RNF213: variants seen among roughly 807,000 people sequenced by gnomAD.
RNF213 encodes the protein E3 ubiquitin-protein ligase RNF213.
RNF213 carries 341 observed loss-of-function variants against 514.4 expected under a neutral mutation model. The observed-to-expected ratio is 0.66, with a 90% CI of 0.61 to 0.73. The LOEUF is 0.73. Among genes scored for constraint, RNF213 ranks in the 30% least tolerant of loss-of-function variants. The probability of loss-of-function intolerance (pLI) is 0.00; values close to 1 mark genes in which losing one functional copy is unlikely to be tolerated. For synonymous variants in RNF213, 2,655 were observed against 2,658.2 expected, an observed-to-expected ratio of 1.00 and a Z score of 0.04; for missense variants, 5,767 against 6,615.6, an observed-to-expected ratio of 0.87 and a Z score of 4.45.
At chr17:80,270,107 TGC>T (rs939948931) in intron 2 of RNF213, among the ~76,000 whole-genome samples, 1 of 152,214 alleles carries the variant, frequency 6.6e-6, no homozygotes, top group Admixed American at 6.5e-5. Context: ...CGTGAATGTG[TGC>T]GCACACACAC....
Position 80,286,979 on chromosome 17 carries a change from T to C in RNF213, c.262-836T>C, listed in dbSNP as rs774469124. Among the ~76,000 whole-genome samples, 57 of 152,188 alleles carry C rather than the reference T, an allele frequency of 3.7e-4. 1 individual carries two copies. The highest frequency in any genetic ancestry group is 1.6e-3 in the Admixed American group (24 of 15,270). On this transcript the variant is annotated intron_variant, in intron 3 of 67. Coordinates refer to ENST00000582970, the MANE Select transcript of RNF213 (RefSeq NM_001256071.3). Reference sequence around the variant, plus strand: ...GCGGTGGGAGCTGCTACTCATTTTTTAGTCTCATCCTTCTCATTTCAAATT... The same window carrying C: ...GCGGTGGGAGCTGCTACTCATTTTTCAGTCTCATCCTTCTCATTTCAAATT...
chr17:80,337,615 GAA>G lies in RNF213; in HGVS notation c.4558_4559del (p.Lys1520AspfsTer4). Reference sequence around the variant, plus strand: ...ACTCCGCCAGGAACTTGGAATGGCTGAAGACTGTGAATGAGAGTCATGGGTCT... The same window carrying G: ...ACTCCGCCAGGAACTTGGAATGGCTGGACTGTGAATGAGAGTCATGGGTCT... ...CDSARNLEWL[K>X]TVNESHGSVE... On this transcript the variant is annotated frameshift_variant, in exon 24 of 68. Coordinates refer to ENST00000582970, the MANE Select transcript of RNF213 (RefSeq NM_001256071.3). LOFTEE classifies it high-confidence loss of function. 6.5e-7 allele frequency: 1 copy of G among 1,537,298 alleles called. No individual in the cohort carries two copies. Among genetic ancestry groups the G allele is most frequent in the South Asian group, 1.2e-5 (1 of 84,064 alleles).
intron 32 of RNF213, chr17:80,352,672 T>C: frequency 1.6e-6 from 1 of 623,150 alleles, no homozygotes; most frequent in South Asian, 1.8e-5. Flanking sequence ...CCACAGGCCT[T>C]ATCCATGCGT....
chr17:80,288,066 C>T lies in RNF213; in HGVS notation c.513C>T (p.Asp171=), dbSNP rs759019499. Residue 171 remains aspartate, a synonymous_variant, in exon 4 of 68, where the codon GAC becomes GAT. Coordinates refer to ENST00000582970, the MANE Select transcript of RNF213 (RefSeq NM_001256071.3). This position sits in a 1 kb window ranked among gnomAD's most constrained non-coding sequence, Gnocchi z 4.9. ...DGLSAPTEVG[D]SPLQAQALGE... Reference sequence around the variant, plus strand: ...TCTCCGCGCCCACCGAGGTTGGCGACAGCCCCCTGCAGGCCCAGGCTTTGG... The same window carrying T: ...TCTCCGCGCCCACCGAGGTTGGCGATAGCCCCCTGCAGGCCCAGGCTTTGG... The T allele has an allele frequency of 1.2e-6, 2 of 1,608,138 alleles. No individual in the cohort carries two copies. Among genetic ancestry groups the T allele is most frequent in the South Asian group, 1.1e-5 (1 of 90,710 alleles).
rs1236128667 is a variant in RNF213 at position 80,349,680 on chromosome 17, G to A, written c.9952-90G>A. The A allele has an allele frequency of 1.6e-5, 22 of 1,396,170 alleles. No individual in the cohort carries two copies. In the Admixed American group the frequency reaches 2.8e-4, roughly 18 times the overall value. 86.5% of individuals were successfully genotyped at this position (1,396,170 alleles called of 1,614,324 possible). ...TGGCAACTGCACCGCGCTGAACATC[G>A]CAGGTTTCTAGGATCTGTCTAAACC... On this transcript the variant is annotated intron_variant, in intron 29 of 67. Coordinates refer to ENST00000582970, the MANE Select transcript of RNF213 (RefSeq NM_001256071.3).
At position 80,337,896 on chromosome 17, in the gene RNF213, C is replaced by T. The variant is rs1242524548; in HGVS notation, c.4732C>T (p.Arg1578Ter). The T allele has an allele frequency of 3.9e-6, 6 of 1,537,240 alleles. No individual in the cohort carries two copies. Among genetic ancestry groups the T allele is most frequent in the East Asian group, 4.9e-5 (2 of 40,918 alleles). ...GAGCCCTGGCAGCCACGAGGAGTCACGAGAGTACTCTTTAGAGGAGGTGAA... is the reference window on the plus strand; with the variant it reads ...GAGCCCTGGCAGCCACGAGGAGTCATGAGAGTACTCTTTAGAGGAGGTGAA... ...PESPGSHEESREYSLEEVKEL... is the reference protein window; with the variant it reads ...PESPGSHEES The change falls in exon 25 of 68, where the codon CGA becomes TGA. Residue 1578 changes from arginine (R) to a stop codon, truncating the protein, a stop_gained. Transcript: ENST00000582970. LOFTEE classifies it high-confidence loss of function.
At chr17:80,354,842 T>C (rs1427556945) in intron 36 of RNF213, 3 of 510,150 alleles carry the variant, frequency 5.9e-6, no homozygotes, top group Non-Finnish European at 1.1e-5. Context: ...CATCTGTTCT[T>C]AGAGTAGAAC....
chr17:80,357,200 C>T (rs1440971699), intron 36 of RNF213, among the ~76,000 whole-genome samples: 1 of 152,178 alleles, frequency 6.6e-6, no homozygotes, highest in Non-Finnish European at 1.5e-5. Context: ...TAGACGTGAG[C>T]CACCGTGCCC....
chr17:80,354,761 G>A (rs1258465758), intron 36 of RNF213, 185 bp downstream of exon 36: 9 of 697,414 alleles, frequency 1.3e-5, no homozygotes, highest in Non-Finnish European at 2.2e-5. Context: ...GTGGCCAAAT[G>A]GCAGGTGCTG....
chr17:80,292,040 G>T, intron 8 of RNF213: 2 of 629,440 alleles, frequency 3.2e-6, no homozygotes, highest in South Asian at 3.6e-5. Context: ...TCTCCTTTGA[G>T]CTCAGTGTGA....
intron 46 of RNF213, among the ~76,000 whole-genome samples, chr17:80,370,777 G>A (rs1240181446): frequency 6.6e-6 from 1 of 152,210 alleles, no homozygotes; most frequent in Non-Finnish European, 1.5e-5. Flanking sequence ...CGTGCTGGGA[G>A]GAAGGATGCA....
intron 62 of RNF213, 60 bp from the exon 63 acceptor site, chr17:80,386,630 A>G (rs2144641265): frequency 6.4e-7 from 1 of 1,573,376 alleles, no homozygotes; most frequent in Non-Finnish European, 8.7e-7. Context: ...TCCCTGCAAC[A>G]TAGAGCCCTA....
At chr17:80,392,605 G>T (rs989506434) in intron 67 of RNF213, among the ~76,000 whole-genome samples, 10 of 149,098 alleles carry the variant, frequency 6.7e-5, no homozygotes, top group East Asian at 5.9e-4. Flanking sequence ...GGATTTCTGG[G>T]TTTTTTTTTT....
Position 80,394,459 on chromosome 17 carries a change from G to GA in RNF213, c.*965dup, listed in dbSNP as rs531156790. On this transcript the variant is annotated 3_prime_UTR_variant, in exon 68 of 68. Coordinates refer to ENST00000582970, the MANE Select transcript of RNF213 (RefSeq NM_001256071.3). ...AAACCAGTTATGTTTCGGAAAGAGGGAAAAGAGTCCCCGAGCCCGGATCTT... is the reference window on the plus strand; with the variant it reads ...AAACCAGTTATGTTTCGGAAAGAGGGAAAAAGAGTCCCCGAGCCCGGATCTT... 4.2e-4 allele frequency: 64 copies of GA among 152,282 alleles called. No individual in the cohort carries two copies. Among genetic ancestry groups the GA allele is most frequent in the African/African-American group, 1.3e-3 (54 of 41,538 alleles). The allele number at this position is 152,282 out of a possible 1,614,324, so 9.4% of individuals were successfully genotyped here. A position where few individuals can be genotyped will look rare whatever the true frequency, so the allele number is the denominator to read the frequency against.
chr17:80,375,886 C>T lies in RNF213; in HGVS notation c.13185+16C>T, dbSNP rs752545753. 4.0e-6 allele frequency: 6 copies of T among 1,512,158 alleles called. No individual in the cohort carries two copies. The highest frequency in any genetic ancestry group is 1.1e-5 in the South Asian group (1 of 88,976). 93.7% of individuals were successfully genotyped at this position (1,512,158 alleles called of 1,614,324 possible). A position where few individuals can be genotyped will look rare whatever the true frequency, so the allele number is the denominator to read the frequency against. On this transcript the variant is annotated intron_variant, in intron 51 of 67. Transcript: ENST00000582970. Reference sequence around the variant, plus strand: ...CACGCCAGAGGTGAGTAACCGCCTGCAGGGCTGTGTTCAAAGTCTCAGTAT... The same window carrying T: ...CACGCCAGAGGTGAGTAACCGCCTGTAGGGCTGTGTTCAAAGTCTCAGTAT...
At chr17:80,388,764 C>A in intron 64 of RNF213, 75 bp downstream of exon 64, 1 of 1,157,606 alleles carries the variant, frequency 8.6e-7, no homozygotes, top group Non-Finnish European at 1.3e-6. Flanking sequence ...GTTAGGCCTA[C>A]TCCAGCCTTG....
Position 80,346,781 on chromosome 17 carries a change from CAG to C in RNF213, c.8447_8448del (p.Gln2816ArgfsTer29). 6.2e-7 allele frequency: 1 copy of C among 1,613,980 alleles called. No homozygotes were observed. Among genetic ancestry groups the C allele is most frequent in the Non-Finnish European group, 8.5e-7 (1 of 1,180,028 alleles). On this transcript the variant is annotated frameshift_variant, in exon 29 of 68. Coordinates refer to ENST00000582970, the MANE Select transcript of RNF213 (RefSeq NM_001256071.3). LOFTEE classifies it high-confidence loss of function. The surrounding 1 kb of genome is among the most constrained non-coding windows in gnomAD (Gnocchi z 8.1). ...SFQCSPHSTP[Q>X]GIISTFRQCA... ...CCAGTGCAGCCCGCACTCCACCCCACAGGGCATCATCAGCACCTTCCGGCAGT... is the reference window on the plus strand; with the variant it reads ...CCAGTGCAGCCCGCACTCCACCCCACGGCATCATCAGCACCTTCCGGCAGT...
intron 3 of RNF213, among the ~76,000 whole-genome samples, chr17:80,279,999 G>A (rs1413288043): frequency 6.6e-6 from 1 of 152,180 alleles, no homozygotes; most frequent in Non-Finnish European, 1.5e-5. Flanking sequence ...CCATCGAGAT[G>A]GTCATGTGTT....
At chr17:80,297,247 C>T (rs1461296327) in intron 10 of RNF213, among the ~76,000 whole-genome samples, 1 of 150,290 alleles carries the variant, frequency 6.7e-6, no homozygotes, top group African/African-American at 2.4e-5. Context: ...GTCAGGAGTT[C>T]GAGACCAGCC....
Sources: gnomAD v4.1 joint callset for allele counts (sites outside exome capture counted in the v4.1 genomes callset) on GRCh38, gnomAD v4.1.1 for gene constraint, Gnocchi (gnomAD v3.1) non-coding constraint, MANE v1.5 for transcripts, NCBI Gene and HGNC (gene_info 2026-07-23, HGNC 2026-07-21) for gene names.